ITGB6: variants seen among roughly 807,000 people sequenced by gnomAD.
ITGB6 encodes the protein integrin subunit beta 6, also known as integrin beta-6.
A neutral mutation model predicts 84.5 loss-of-function variants in ITGB6; 80 were observed. The observed-to-expected ratio is 0.95, with a 90% CI of 0.79 to 1.14. ITGB6 has a LOEUF of 1.14. Ranked by LOEUF, ITGB6 falls within the 50% of genes most tolerant of loss-of-function variation. The probability of loss-of-function intolerance (pLI) is 0.00; values close to 1 mark genes in which losing one functional copy is unlikely to be tolerated. For synonymous variants in ITGB6, 383 were observed against 354.9 expected (o/e 1.08, Z -0.89); for missense variants, 1,006 against 968.0 (o/e 1.04, Z -0.52).
At chr2:160,153,800 G>A (rs1317462405) in intron 7 of ITGB6, among the ~76,000 whole-genome samples, 1 of 152,106 alleles carries the variant, frequency 6.6e-6, no homozygotes, top group Non-Finnish European at 1.5e-5. Flanking sequence ...CTCAAAAGAA[G>A]ACATTTATGC....
In ITGB6 at chr2:160,195,517, GGTC is replaced by G. The variant is rs1406062204; in HGVS notation, c.442_444del (p.Asp148del). ...GAGCCCAGCTCCTTTATTGTGTTGA[GGTC>G]GTCATCCATGGAGGCGGAGAGGTCC... On this transcript the variant is annotated inframe_deletion, in exon 4 of 15. Transcript: ENST00000283249. 1 of 1,614,130 alleles carries G rather than the reference GGTC, an allele frequency of 6.2e-7. No individual in the cohort carries two copies. The highest frequency in any genetic ancestry group is 1.1e-5 in the South Asian group (1 of 91,084).
Position 160,126,586 on chromosome 2 carries a change from T to A in ITGB6, c.1676A>T (p.Asp559Val). 1 of 1,613,224 alleles carries A rather than the reference T, an allele frequency of 6.2e-7. No individual in the cohort carries two copies. The highest frequency in any genetic ancestry group is 8.5e-7 in the Non-Finnish European group (1 of 1,179,892). The change falls in exon 11 of 15, where the codon GAC (aspartate) becomes GTC (valine). Residue 559 changes from aspartate to valine, a missense_variant. Transcript: ENST00000283249. ...GCTCCTGCACACACATTCACCACAG[T>A]CACAGTCGCCGTTACCTGTAACACA... is the stretch of plus-strand genomic sequence containing the variant. Reference protein sequence around the residue: ...GLLCGGNGDCDCGECVCRSGW... With the variant: ...GLLCGGNGDCVCGECVCRSGW...
intron 2 of ITGB6, among the ~76,000 whole-genome samples, chr2:160,198,898 A>G (rs933051173): frequency 6.6e-6 from 1 of 152,230 alleles, no homozygotes; most frequent in African/African-American, 2.4e-5. Context: ...AACCTGTAGA[A>G]ATGGCTTTAC....
chr2:160,159,184 C>T (rs780711428), intron 7 of ITGB6, among the ~76,000 whole-genome samples: 1 of 151,946 alleles, frequency 6.6e-6, no homozygotes, highest in African/African-American at 2.4e-5. Flanking sequence ...GTCCCTGTCC[C>T]CCAGGTTGAT....
At chr2:160,166,918 A>C (rs967569709) in intron 7 of ITGB6, among the ~76,000 whole-genome samples, 5 of 152,222 alleles carry the variant, frequency 3.3e-5, no homozygotes, top group African/African-American at 7.2e-5. Context: ...ACTAAAAAAA[A>C]CAGTCATTTT....
rs1683834130 is a variant in ITGB6, at chr2:160,138,081, A to G, written c.1226T>C (p.Met409Thr). 1 of 1,612,890 alleles carries G rather than the reference A, an allele frequency of 6.2e-7. No individual in the cohort carries two copies. Among genetic ancestry groups the G allele is most frequent in the Non-Finnish European group, 8.5e-7 (1 of 1,179,588 alleles). ...GCTACTTACTGTGTCTCCCACTTTC[A>G]TGTGAGAGCATTTCTTTTGGTGTTG... Reference protein sequence around the residue: ...LFQHQKKCSHMKVGDTASFSV... With the variant: ...LFQHQKKCSHTKVGDTASFSV... The change falls in exon 9 of 15, where the codon ATG becomes ACG. Residue 409 changes from methionine (M) to threonine (T), a missense_variant. Physicochemically the swap from Met to Thr is moderately conservative, Grantham distance 81. Coordinates refer to ENST00000283249, the MANE Select transcript of ITGB6 (RefSeq NM_000888.5).
chr2:160,132,364 G>A (rs1183966516), intron 10 of ITGB6, among the ~76,000 whole-genome samples: 1 of 152,044 alleles, frequency 6.6e-6, no homozygotes, highest in East Asian at 1.9e-4. Flanking sequence ...AGAACTTATT[G>A]GCTGCAACAG....
chr2:160,122,341 C>G (rs1482614731), intron 12 of ITGB6, among the ~76,000 whole-genome samples: 2 of 152,058 alleles, frequency 1.3e-5, no homozygotes, highest in Non-Finnish European at 2.9e-5. Flanking sequence ...TAGTAAGTAC[C>G]TTGTTCATGC....
intron 12 of ITGB6, among the ~76,000 whole-genome samples, chr2:160,121,434 A>G (rs1485803456): frequency 6.6e-6 from 1 of 152,230 alleles, no homozygotes; most frequent in Non-Finnish European, 1.5e-5. Flanking sequence ...CTAGGGTTAC[A>G]TGGAATATAC....
chr2:160,195,198 T>A (rs1187810346), intron 4 of ITGB6, among the ~76,000 whole-genome samples, 171 bp downstream of exon 4: 1 of 152,216 alleles, frequency 6.6e-6, no homozygotes, highest in Non-Finnish European at 1.5e-5. Context: ...GTAGTTCAGA[T>A]GACCTCACCT....
chr2:160,195,286 A>G, intron 4 of ITGB6, 83 bp downstream of exon 4: 1 of 1,546,718 alleles, frequency 6.5e-7, no homozygotes, highest in Non-Finnish European at 8.9e-7. Flanking sequence ...GGAGTTAGCA[A>G]GCTCCTGGCA....
At chr2:160,142,694 A>G in intron 7 of ITGB6, among the ~76,000 whole-genome samples, 1 of 152,204 alleles carries the variant, frequency 6.6e-6, no homozygotes, top group East Asian at 1.9e-4. Context: ...AAGCTAGTGC[A>G]GAAAGCATTC....
At chr2:160,113,275 C>T (rs1042861369) in intron 12 of ITGB6, among the ~76,000 whole-genome samples, 30 of 152,200 alleles carry the variant, frequency 2.0e-4, no homozygotes, top group African/African-American at 7.2e-4. Flanking sequence ...AAAGCAGAAT[C>T]TAATGTGTTT....
Position 160,126,512 on chromosome 2 carries a change from CGCAGGAGTCCG to C in ITGB6, c.1739_1749del (p.Thr580SerfsTer3). The C allele has an allele frequency of 6.2e-7, 1 of 1,614,140 alleles. No homozygotes were observed. Among genetic ancestry groups the C allele is most frequent in the Non-Finnish European group, 8.5e-7 (1 of 1,179,992 alleles). ...CTGCAGAGCACTCCATCTTCAGAGA[CGCAGGAGTCCG>C]TGCTGGTGGTGCAGTTGCAGTACTC... On this transcript the variant is annotated frameshift_variant, in exon 11 of 15. Coordinates refer to ENST00000283249, the MANE Select transcript of ITGB6 (RefSeq NM_000888.5). LOFTEE classifies it high-confidence loss of function.
chr2:160,136,240 G>A (rs1683708962), intron 10 of ITGB6, among the ~76,000 whole-genome samples: 1 of 152,198 alleles, frequency 6.6e-6, no homozygotes, highest in Non-Finnish European at 1.5e-5. Flanking sequence ...AGTGGACAAA[G>A]GATATGAACA....
chr2:160,132,306 CCATAA>C, intron 10 of ITGB6, among the ~76,000 whole-genome samples: 1 of 152,110 alleles, frequency 6.6e-6, no homozygotes, highest in South Asian at 2.1e-4. Context: ...TCAGAACAGA[CCATAA>C]ATTTTTCACT....
chr2:160,172,476 C>A lies in ITGB6; in HGVS notation c.921+93G>T. On this transcript the variant is annotated intron_variant, in intron 6 of 14. Coordinates refer to ENST00000283249, the MANE Select transcript of ITGB6 (RefSeq NM_000888.5). ...CATTAGAAAATGTGCACTGCTTTCA[C>A]CAAGTGTATGTTATTTCACATGTAT... 5 of 1,221,672 alleles carry A rather than the reference C, an allele frequency of 4.1e-6. No homozygotes were observed. In the South Asian group the frequency reaches 8.9e-5, roughly 22 times the overall value. 75.7% of individuals were successfully genotyped at this position (1,221,672 alleles called of 1,614,324 possible).
In ITGB6 at chr2:160,154,786, C is replaced by T. The variant is rs72994704; in HGVS notation, c.1018-12715G>A. 2.1e-4 allele frequency among the ~76,000 whole-genome samples: 32 copies of T among 151,882 alleles called. No individual in the cohort carries two copies. The South Asian group carries it at 3.1e-3, about 15-fold the overall frequency. On this transcript the variant is annotated intron_variant, in intron 7 of 14. Transcript: ENST00000283249. ...AATGAGTTATCAAGCTATGAGAAGA[C>T]GGAGAAAGTTTAAATGCATATTATT...
intron 10 of ITGB6, among the ~76,000 whole-genome samples, chr2:160,132,751 T>C (rs1364480060): frequency 6.6e-6 from 1 of 152,168 alleles, no homozygotes; most frequent in Non-Finnish European, 1.5e-5. Flanking sequence ...AAAGAATGAT[T>C]TTACAATAGT....
Sources: gnomAD v4.1 joint callset for allele counts (sites outside exome capture counted in the v4.1 genomes callset) on GRCh38, gnomAD v4.1.1 for gene constraint, MANE v1.5 for transcripts, NCBI Gene and HGNC (gene_info 2026-07-23, HGNC 2026-07-21) for gene names.